The following FLT3 variants were observed in gnomAD, a reference collection of about 807,000 sequenced individuals.
FLT3 encodes the protein receptor-type tyrosine-protein kinase FLT3.
A neutral mutation model predicts 126.6 loss-of-function variants in FLT3; 46 were observed. That is an observed-to-expected ratio of 0.36 (90% CI 0.29 to 0.46). The LOEUF (loss-of-function observed/expected upper bound fraction) is 0.46. FLT3 is among the 20% of genes least tolerant of loss of function. The probability of loss-of-function intolerance (pLI) is 1.00; values close to 1 mark genes in which losing one functional copy is unlikely to be tolerated. For missense variants in FLT3, 1,069 were observed against 1,190.3 expected (o/e 0.90, Z 1.50); for synonymous variants, 404 against 434.4 (o/e 0.93, Z 0.87).
intron 9 of FLT3, among the ~76,000 whole-genome samples, chr13:28,038,418 A>G (rs1000613253): frequency 6.6e-6 from 1 of 152,064 alleles, no homozygotes; most frequent in Admixed American, 6.5e-5. Flanking sequence ...TGTACCGAAG[A>G]TATCTAACTC....
intron 1 of FLT3, among the ~76,000 whole-genome samples, chr13:28,080,298 C>T (rs1019679491): frequency 1.3e-5 from 2 of 152,228 alleles, no homozygotes; most frequent in African/African-American, 4.8e-5. Context: ...ATTGCTTGAA[C>T]CCAGGAGGTG....
chr13:28,038,579 A>T (rs1191688178), intron 9 of FLT3, among the ~76,000 whole-genome samples: 1 of 151,400 alleles, frequency 6.6e-6, no homozygotes, highest in Non-Finnish European at 1.5e-5. Flanking sequence ...CAGCCTCCGG[A>T]GTAGCTGGGA....
At chr13:28,015,338 G>C in intron 21 of FLT3, 82 bp from the exon 22 acceptor site, 1 of 965,972 alleles carries the variant, frequency 1.0e-6, no homozygotes, top group Non-Finnish European at 1.6e-6. Flanking sequence ...CACGTATTGA[G>C]ATCTGCCATG....
intron 23 of FLT3, among the ~76,000 whole-genome samples, chr13:28,006,119 A>G (rs1262513089): frequency 6.6e-6 from 1 of 152,110 alleles, no homozygotes; most frequent in Non-Finnish European, 1.5e-5. Flanking sequence ...TTAAAAGGTG[A>G]TACATTTTTA....
At chr13:28,072,828 C>A (rs1877637336) in intron 1 of FLT3, among the ~76,000 whole-genome samples, 1 of 150,986 alleles carries the variant, frequency 6.6e-6, no homozygotes, top group African/African-American at 2.4e-5. Flanking sequence ...GTGGTGAAAC[C>A]CCGTCTCTAC....
chr13:28,096,396 A>C (rs926263237), intron 1 of FLT3, among the ~76,000 whole-genome samples: 2 of 151,876 alleles, frequency 1.3e-5, no homozygotes, highest in African/African-American at 4.8e-5. Flanking sequence ...AAAAACTGGG[A>C]TCCCTTTTCT....
chr13:28,059,731 G>A (rs4771210), intron 3 of FLT3, among the ~76,000 whole-genome samples: 146,158 of 151,642 alleles, frequency 0.96, 70,555 homozygotes, highest in East Asian at 1. Context: ...GGAGGCCGAG[G>A]TGGGCAGATC....
intron 23 of FLT3, among the ~76,000 whole-genome samples, chr13:28,007,187 T>G (rs531678712): frequency 6.6e-6 from 1 of 152,226 alleles, no homozygotes; most frequent in Non-Finnish European, 1.5e-5. Context: ...TTCTTATACT[T>G]TAAAAAATGG....
intron 15 of FLT3, among the ~76,000 whole-genome samples, chr13:28,033,658 G>T (rs1873559630): frequency 6.6e-6 from 1 of 152,106 alleles, no homozygotes; most frequent in African/African-American, 2.4e-5. Context: ...AAAAATAAAA[G>T]AAAATAAAAA....
At chr13:28,037,402 T>C (rs1873931886) in intron 9 of FLT3, 114 bp from the exon 10 acceptor site, 1 of 690,464 alleles carries the variant, frequency 1.4e-6, no homozygotes, top group Non-Finnish European at 2.6e-6. Flanking sequence ...CTTGCTAAAG[T>C]TCACTGGAAA....
At position 28,070,484 on chromosome 13, in the gene FLT3, A is replaced by G. The variant is rs779093897; in HGVS notation, c.165+7T>C. ...CAGCTAAAGGTATAATTTTAATGTT[A>G]CTTTACCATGGGATATGATGATGAC... On this transcript the variant is annotated splice_region_variant and intron_variant, in intron 2 of 23. Transcript: ENST00000241453. 4 of 1,606,326 alleles carry G rather than the reference A, an allele frequency of 2.5e-6. No homozygotes were observed. The highest frequency in any genetic ancestry group is 1.3e-5 in the African/African-American group (1 of 74,710).
intron 9 of FLT3, among the ~76,000 whole-genome samples, chr13:28,041,534 C>G (rs969697904): frequency 1.3e-5 from 2 of 152,196 alleles, no homozygotes; most frequent in South Asian, 4.1e-4. Flanking sequence ...TTTCACTCTT[C>G]TGAACAAACT....
chr13:28,053,996 G>C lies in FLT3; in HGVS notation c.485-1322C>G, dbSNP rs1222336325. The stretch of plus-strand genomic sequence containing the variant: ...CCCAAAGTGCTTGGATTACAGGTAT[G>C]AGCCACCACACCCGGCCACAGTTTT... On this transcript the variant is annotated intron_variant, in intron 4 of 23. Coordinates refer to ENST00000241453, the MANE Select transcript of FLT3 (RefSeq NM_004119.3). Among the ~76,000 whole-genome samples, 6 of 152,134 alleles carry C rather than the reference G, an allele frequency of 3.9e-5. No individual in the cohort carries two copies. In the South Asian group the frequency reaches 6.2e-4, roughly 16 times the overall value.
intron 9 of FLT3, among the ~76,000 whole-genome samples, chr13:28,040,553 A>G (rs910759370): frequency 1.1e-4 from 17 of 152,270 alleles, no homozygotes; most frequent in Middle Eastern, 3.4e-3. Flanking sequence ...AAAATCCACA[A>G]AACGCCACTG....
chr13:28,066,958 T>C (rs1043129506), intron 2 of FLT3, among the ~76,000 whole-genome samples: 1 of 152,222 alleles, frequency 6.6e-6, no homozygotes, highest in Non-Finnish European at 1.5e-5. Flanking sequence ...AAGGTTCACA[T>C]CTTCATAATG....
In FLT3 at chr13:28,012,928, C is replaced by A. The variant is rs534977156; in HGVS notation, c.2859+1524G>T. Among the ~76,000 whole-genome samples, 41 of 142,994 alleles carry A rather than the reference C, an allele frequency of 2.9e-4. 1 individual carries two copies. The highest frequency in any genetic ancestry group is 8.6e-4 in the African/African-American group (33 of 38,438). 93.8% of individuals were successfully genotyped at this position (142,994 alleles called of 152,430 possible). A position where few individuals can be genotyped will look rare whatever the true frequency, so the allele number is the denominator to read the frequency against. ...CTCCAGCCTGGATGACAGAGCAAGA[C>A]CCTGTCTCAAAAAAAAAAAAAGTGT... On this transcript the variant is annotated intron_variant, in intron 23 of 23. Coordinates refer to ENST00000241453, the MANE Select transcript of FLT3 (RefSeq NM_004119.3).
intron 3 of FLT3, 105 bp downstream of exon 3, chr13:28,061,762 C>A (rs570064991): frequency 6.1e-6 from 5 of 822,140 alleles, no homozygotes; most frequent in African/African-American, 3.4e-5. Flanking sequence ...CAGAGAGAGA[C>A]CCTGACTCAC....
chr13:28,036,147 A>G (rs2137683879), intron 10 of FLT3, 104 bp from the exon 11 acceptor site: 1 of 883,570 alleles, frequency 1.1e-6, no homozygotes, highest in Non-Finnish European at 1.9e-6. Flanking sequence ...CACTTGGGCC[A>G]AGGAGTTCAA....
In FLT3 at chr13:28,050,138, G is replaced by A. The variant is rs1875303013; in HGVS notation, c.699C>T (p.Ala233=). 1 of 1,613,924 alleles carries A rather than the reference G, an allele frequency of 6.2e-7. No individual in the cohort carries two copies. Among genetic ancestry groups the A allele is most frequent in the Admixed American group, 1.7e-5 (1 of 60,004 alleles). The change falls in exon 6 of 24, where the codon GCC becomes GCT. Residue 233 remains alanine, a synonymous_variant. Transcript: ENST00000241453. Reference sequence around the variant, plus strand: ...TGCATTCCCTGCCCAGTTCATTTCTGGCACAGCACCTTATGTCCGTCCCAA... The same window carrying A: ...TGCATTCCCTGCCCAGTTCATTTCTAGCACAGCACCTTATGTCCGTCCCAA... ...ELFGTDIRCC[A]RNELGRECTR...
Sources: gnomAD v4.1 joint callset for allele counts (sites outside exome capture counted in the v4.1 genomes callset) on GRCh38, gnomAD v4.1.1 for gene constraint, MANE v1.5 for transcripts, NCBI Gene and HGNC (gene_info 2026-07-23, HGNC 2026-07-21) for gene names.